The following ZRANB1 variants were observed in gnomAD, a reference collection of about 807,000 sequenced individuals.
The protein encoded by ZRANB1 is ubiquitin thioesterase ZRANB1.
A neutral mutation model predicts 80.5 loss-of-function variants in ZRANB1; 16 were observed. The observed-to-expected ratio is 0.20, with a 90% CI of 0.13 to 0.30. The LOEUF (loss-of-function observed/expected upper bound fraction) is 0.30. Among genes scored for constraint, ZRANB1 ranks in the 10% least tolerant of loss-of-function variants. The probability of loss-of-function intolerance (pLI) is 1.00; values close to 1 mark genes in which losing one functional copy is unlikely to be tolerated. For missense variants in ZRANB1, 576 were observed against 862.6 expected (o/e 0.67, Z 4.16); for synonymous variants, 291 against 293.1 (o/e 0.99, Z 0.07).
chr10:124,957,659 C>A (rs1282799564), intron 1 of ZRANB1, among the ~76,000 whole-genome samples: 2 of 151,850 alleles, frequency 1.3e-5, no homozygotes, highest in African/African-American at 4.8e-5. Flanking sequence ...AGTATCTGTC[C>A]TTTTGCTTAT....
rs958507778 is a variant in ZRANB1, at chr10:124,954,727, C to T, written c.814+11420C>T. Among the ~76,000 whole-genome samples the T allele has an allele frequency of 6.0e-5, 9 of 150,116 alleles. No individual in the cohort carries two copies. The East Asian group carries it at 8.1e-4, about 14-fold the overall frequency. On this transcript the variant is annotated intron_variant, in intron 1 of 8. Coordinates refer to ENST00000359653, the MANE Select transcript of ZRANB1 (RefSeq NM_017580.3). ...CCTCCCAGAGTGCTGGGATTACAGG[C>T]GTGAGTCACAGTACCTGGCCCCTTT... is the stretch of plus-strand genomic sequence containing the variant.
In ZRANB1 at chr10:124,943,033, T is replaced by C. The variant is rs1370443636; in HGVS notation, c.540T>C (p.Ile180=). Reference sequence around the variant, plus strand: ...GTGATCATCCCAGACCTAATAACATTGAAGCAATAGAATTGGCAGAGACTG... The same window carrying C: ...GTGATCATCCCAGACCTAATAACATCGAAGCAATAGAATTGGCAGAGACTG... ...VVCDHPRPNN[I]EAIELAETEE... The change falls in exon 1 of 9, where the codon ATT becomes ATC. Residue 180 remains isoleucine (I), a synonymous_variant. Coordinates refer to ENST00000359653, the MANE Select transcript of ZRANB1 (RefSeq NM_017580.3). The C allele has an allele frequency of 1.9e-6, 3 of 1,614,046 alleles. No individual in the cohort carries two copies. In the Admixed American group the frequency reaches 5.0e-5, roughly 27 times the overall value.
chr10:124,983,792 T>G lies in ZRANB1; in HGVS notation c.1908+104T>G, dbSNP rs1951965374. The G allele has an allele frequency of 1.2e-6, 1 of 802,008 alleles. No individual in the cohort carries two copies. Among genetic ancestry groups the G allele is most frequent in the African/African-American group, 1.7e-5 (1 of 57,770 alleles). The allele number at this position is 802,008 out of a possible 1,614,324, so 49.7% of individuals were successfully genotyped here. ...TTTATCTGCACTATCACTTAATTTC[T>G]GAATGTGATGGTAGTAATTGCTGAA... On this transcript the variant is annotated intron_variant, in intron 8 of 8. Coordinates refer to ENST00000359653, the MANE Select transcript of ZRANB1 (RefSeq NM_017580.3). The surrounding 1 kb of genome is among the most constrained non-coding windows in gnomAD (Gnocchi z 6.2).
chr10:124,961,070 C>G (rs748696212), intron 1 of ZRANB1, among the ~76,000 whole-genome samples: 1 of 151,668 alleles, frequency 6.6e-6, no homozygotes, highest in Non-Finnish European at 1.5e-5. Flanking sequence ...GGCGCAATCT[C>G]GGCTCACTGC....
At chr10:124,967,203 C>G (rs1205285501) in intron 2 of ZRANB1, among the ~76,000 whole-genome samples, 1 of 152,096 alleles carries the variant, frequency 6.6e-6, no homozygotes, top group Non-Finnish European at 1.5e-5. Context: ...ATGTAAATGC[C>G]AAGTGTTATG....
intron 2 of ZRANB1, among the ~76,000 whole-genome samples, chr10:124,969,300 G>A (rs1951801629): frequency 6.6e-6 from 1 of 152,144 alleles, no homozygotes; most frequent in African/African-American, 2.4e-5. Context: ...GCGTGGGAGA[G>A]GTGGAGGGGA....
chr10:124,978,053 A>G (rs904367509), intron 5 of ZRANB1, among the ~76,000 whole-genome samples: 1 of 152,168 alleles, frequency 6.6e-6, no homozygotes, highest in African/African-American at 2.4e-5. Flanking sequence ...AGACATCCTT[A>G]CAGTATTGGG....
chr10:124,923,401 G>C, the ZRANB1 span, among the ~76,000 whole-genome samples: 1 of 151,608 alleles, frequency 6.6e-6, no homozygotes, highest in Non-Finnish European at 1.5e-5. Flanking sequence ...AGACCAACCT[G>C]ACCAACATGG....
the ZRANB1 span, among the ~76,000 whole-genome samples, chr10:124,925,610 TTTC>T: frequency 2.0e-5 from 3 of 152,206 alleles, no homozygotes; most frequent in African/African-American, 7.2e-5. Flanking sequence ...TTACCTATGT[TTTC>T]TTTTGTCACT....
intron 1 of ZRANB1, among the ~76,000 whole-genome samples, chr10:124,949,523 A>ACACT: frequency 8.6e-6 from 1 of 116,854 alleles, no homozygotes; most frequent in African/African-American, 3.6e-5. Flanking sequence ...ACACACACAC[A>ACACT]TTTTTTTTTT....
upstream of ZRANB1, among the ~76,000 whole-genome samples, chr10:124,937,941 T>C (rs928432955): frequency 1.3e-5 from 2 of 152,218 alleles, no homozygotes; most frequent in Non-Finnish European, 2.9e-5. Flanking sequence ...CCGTTCTCCT[T>C]AAAGAAGGCC....
the ZRANB1 span, among the ~76,000 whole-genome samples, chr10:124,921,481 G>T: frequency 7.9e-3 from 1,206 of 152,264 alleles, 20 homozygotes; most frequent in African/African-American, 0.028. Context: ...GAAAATAGGT[G>T]TGTGTGTTTC....
chr10:124,945,480 T>C (rs976638265), intron 1 of ZRANB1: 1 of 149,718 alleles, frequency 6.7e-6, no homozygotes, highest in African/African-American at 2.5e-5. Context: ...GGTGGTGTTA[T>C]AGTACATGTA....
At chr10:124,974,179 G>A (rs1261547123) in intron 4 of ZRANB1, 21 bp from the exon 5 acceptor site, 1 of 1,611,140 alleles carries the variant, frequency 6.2e-7, no homozygotes, top group East Asian at 2.2e-5. Flanking sequence ...AAATGAACAT[G>A]TATTTAAATC....
the ZRANB1 span, among the ~76,000 whole-genome samples, chr10:124,933,301 T>C: frequency 1.3e-5 from 2 of 151,828 alleles, no homozygotes; most frequent in African/African-American, 4.8e-5. Context: ...CATGCCCAGC[T>C]AATTTTTTCG....
At chr10:124,939,011 T>C (rs1951512182), upstream of ZRANB1, among the ~76,000 whole-genome samples, 1 of 151,898 alleles carries the variant, frequency 6.6e-6, no homozygotes, top group African/African-American at 2.4e-5. Context: ...ACTCCGTCTC[T>C]ACTAAAAATA....
At chr10:124,950,470 A>T (rs1309118008) in intron 1 of ZRANB1, among the ~76,000 whole-genome samples, 1 of 152,140 alleles carries the variant, frequency 6.6e-6, no homozygotes, top group Non-Finnish European at 1.5e-5. Context: ...ACGTTTTCTT[A>T]TATTAGTTGT....
intron 2 of ZRANB1, among the ~76,000 whole-genome samples, chr10:124,969,234 C>T (rs957620220): frequency 6.6e-6 from 1 of 152,192 alleles, no homozygotes; most frequent in Non-Finnish European, 1.5e-5. Context: ...ATTTAGGAAG[C>T]AACATACCAT....
At chr10:124,920,361 T>C in the ZRANB1 span, among the ~76,000 whole-genome samples, 2 of 152,368 alleles carry the variant, frequency 1.3e-5, no homozygotes, top group South Asian at 2.1e-4. Flanking sequence ...GCTCCACTTA[T>C]GCCTTATGCC....
Sources: allele counts gnomAD v4.1 joint callset (sites outside exome capture counted in the v4.1 genomes callset), GRCh38; gene constraint gnomAD v4.1.1; non-coding constraint Gnocchi (gnomAD v3.1); transcripts MANE v1.5; gene names NCBI Gene and HGNC (gene_info 2026-07-23, HGNC 2026-07-21).